The following KIF6 variants were observed in gnomAD, a reference collection of about 807,000 sequenced individuals.
The protein encoded by KIF6 is kinesin family member 6.
In KIF6, 106 loss-of-function variants were observed where a neutral mutation model predicts 112.7. The ratio of observed to expected loss-of-function variants is 0.94; its 90% CI spans 0.80 to 1.11. The LOEUF is 1.11. KIF6 is among the 50% of genes least tolerant of loss of function. KIF6 has a pLI of 0.00. For synonymous variants in KIF6, 339 were observed against 339.9 expected, an observed-to-expected ratio of 1.00 and a Z score of 0.03; for missense variants, 929 against 964.0, an observed-to-expected ratio of 0.96 and a Z score of 0.48.
intron 3 of KIF6, among the ~76,000 whole-genome samples, chr6:39,709,075 C>A (rs570200561): frequency 1.7e-3 from 266 of 152,180 alleles, no homozygotes; most frequent in African/African-American, 6.2e-3. Context: ...TTCAAAGACA[C>A]CTGAGATTAG....
At chr6:39,535,948 T>C (rs187308061) in intron 13 of KIF6, among the ~76,000 whole-genome samples, 2,112 of 150,326 alleles carry the variant, frequency 0.014, 27 homozygotes, top group Middle Eastern at 0.024. Flanking sequence ...CTGAACAATC[T>C]GCTCCTGAAT....
At chr6:39,383,176 C>G (rs1272466672) in intron 16 of KIF6, among the ~76,000 whole-genome samples, 1 of 152,048 alleles carries the variant, frequency 6.6e-6, no homozygotes, top group East Asian at 1.9e-4. Flanking sequence ...TAATTAAGTT[C>G]CATTTGTCTA....
At chr6:39,508,008 T>C in intron 13 of KIF6, among the ~76,000 whole-genome samples, 1 of 124,052 alleles carries the variant, frequency 8.1e-6, no homozygotes, top group Non-Finnish European at 1.6e-5. Flanking sequence ...CATATCCCTC[T>C]CCCTTCCCCT....
At chr6:39,443,694 G>A (rs559847279) in intron 13 of KIF6, among the ~76,000 whole-genome samples, 11 of 152,106 alleles carry the variant, frequency 7.2e-5, no homozygotes, top group East Asian at 5.8e-4. Context: ...TCTGCCCACC[G>A]TGACCTCCCA....
intron 14 of KIF6, among the ~76,000 whole-genome samples, chr6:39,426,447 C>T (rs1770770615): frequency 6.6e-6 from 1 of 152,114 alleles, no homozygotes. Flanking sequence ...GGAAGAAAAA[C>T]CTTTCTATTA....
chr6:39,594,844 TTTA>T (rs1332449570), intron 7 of KIF6, among the ~76,000 whole-genome samples: 6 of 152,156 alleles, frequency 3.9e-5, no homozygotes, highest in African/African-American at 9.7e-5. Context: ...TATTTTTTAT[TTTA>T]TTATTTTTTT....
intron 5 of KIF6, among the ~76,000 whole-genome samples, chr6:39,625,339 T>C (rs1448466330): frequency 6.6e-6 from 1 of 152,158 alleles, no homozygotes; most frequent in South Asian, 2.1e-4. Flanking sequence ...CTCTAGTAGG[T>C]TGGGCTAGGC....
chr6:39,645,027 C>T (rs530494095), intron 3 of KIF6, among the ~76,000 whole-genome samples: 1 of 152,214 alleles, frequency 6.6e-6, no homozygotes, highest in East Asian at 1.9e-4. Context: ...TTCTGAACTT[C>T]CTAAAATCAA....
At chr6:39,456,549 T>A (rs1773121801) in intron 13 of KIF6, among the ~76,000 whole-genome samples, 1 of 107,906 alleles carries the variant, frequency 9.3e-6, no homozygotes, top group Admixed American at 1.0e-4. Context: ...ATGGACTAAA[T>A]TCTCCAATTA....
chr6:39,480,108 T>C (rs964595979), intron 13 of KIF6, among the ~76,000 whole-genome samples: 48 of 152,250 alleles, frequency 3.2e-4, no homozygotes, highest in Non-Finnish European at 2.4e-4. Flanking sequence ...GTGGTGAGAG[T>C]GGGCATCCTT....
intron 4 of KIF6, 61 bp from the exon 5 acceptor site, chr6:39,635,019 G>C (rs999842398): frequency 1.1e-6 from 1 of 892,728 alleles, no homozygotes; most frequent in African/African-American, 1.6e-5. Flanking sequence ...CTTAGATGAA[G>C]ATGAACACAT....
Position 39,544,678 on chromosome 6 carries a change from T to C in KIF6, c.1303A>G (p.Lys435Glu). 1.3e-6 allele frequency: 2 copies of C among 1,597,402 alleles called. No homozygotes were observed. Among genetic ancestry groups the C allele is most frequent in the Non-Finnish European group, 8.5e-7 (1 of 1,173,388 alleles). ...FHHLKKLLND[K>E]KILENNTVSS... ...ACTGTATTGTTTTCAAGGATCTTCT[T>C]GTCATTCAATAGTTTCTGTAAGATA... Residue 435 changes from lysine (K) to glutamate (E), a missense_variant, in exon 12 of 23, where the codon AAG (lysine) becomes GAG (glutamate). By Grantham distance (56) the Lys-to-Glu change is moderately conservative (BLOSUM62 1). This residue lies in a region of KIF6 where 688 missense variants were observed against 662.7 expected (regional missense o/e 1.04). Transcript: ENST00000287152.
At chr6:39,369,908 T>C (rs960044376) in intron 16 of KIF6, among the ~76,000 whole-genome samples, 1 of 152,174 alleles carries the variant, frequency 6.6e-6, no homozygotes, top group Non-Finnish European at 1.5e-5. Context: ...GCATTTCTCT[T>C]ATCACCACCA....
At position 39,648,225 on chromosome 6, in the gene KIF6, G is replaced by GGT. The variant is rs1554140773; in HGVS notation, c.252-8469_252-8468insAC. Reference sequence around the variant, plus strand: ...TTTTAGTAGAGACGGGGGGCGGGCGGGGGGGGGTGCCTCACCATGTTGGCC... The same window carrying GGT: ...TTTTAGTAGAGACGGGGGGCGGGCGGGTGGGGGGGTGCCTCACCATGTTGGCC... On this transcript the variant is annotated intron_variant, in intron 3 of 22. Transcript: ENST00000287152. 9.6e-5 allele frequency among the ~76,000 whole-genome samples: 7 copies of GGT among 73,068 alleles called. No homozygotes were observed. The South Asian group carries it at 1.5e-3, about 16-fold the overall frequency. 47.9% of individuals were successfully genotyped at this position (73,068 alleles called of 152,430 possible).
intron 2 of KIF6, chr6:39,718,410 T>C (rs1242221290): frequency 6.6e-6 from 1 of 151,938 alleles, no homozygotes; most frequent in Non-Finnish European, 1.5e-5. Flanking sequence ...TGAAGGTATG[T>C]AGCATGCTTA....
intron 13 of KIF6, among the ~76,000 whole-genome samples, chr6:39,534,077 A>G (rs1005237062): frequency 6.6e-6 from 1 of 152,220 alleles, no homozygotes; most frequent in Non-Finnish European, 1.5e-5. Context: ...AGCATCATCA[A>G]AGACCAAAAG....
intron 13 of KIF6, among the ~76,000 whole-genome samples, chr6:39,431,919 T>G (rs1470976116): frequency 6.6e-6 from 1 of 151,910 alleles, no homozygotes; most frequent in Non-Finnish European, 1.5e-5. Flanking sequence ...CAGTGAGAGC[T>G]GAATTCACCG....
In KIF6 at chr6:39,345,696, A is replaced by G; in HGVS notation, c.2321+4T>C. ...CACAGGCATAACAGGAGAAGACCAC[A>G]GACCTGTCTTCCAGTGGGGTGCTGG... On this transcript the variant is annotated splice_donor_region_variant and intron_variant, in intron 21 of 22. Transcript: ENST00000287152. 6.2e-7 allele frequency: 1 copy of G among 1,611,928 alleles called. No homozygotes were observed. Among genetic ancestry groups the G allele is most frequent in the Non-Finnish European group, 8.5e-7 (1 of 1,178,960 alleles).
At chr6:39,585,221 G>T (rs946283209) in intron 8 of KIF6, among the ~76,000 whole-genome samples, 8 of 152,204 alleles carry the variant, frequency 5.3e-5, no homozygotes, top group Admixed American at 3.3e-4. Flanking sequence ...TGGACAGAGG[G>T]TGCAGGTGGT....
Sources: allele counts gnomAD v4.1 joint callset (sites outside exome capture counted in the v4.1 genomes callset), GRCh38; gene constraint gnomAD v4.1.1; regional missense constraint gnomAD v4.1.1; transcripts MANE v1.5; gene names NCBI Gene and HGNC (gene_info 2026-07-23, HGNC 2026-07-21).